Variants in OSBPL10 observed in about 807,000 individuals in gnomAD.
OSBPL10 encodes the protein oxysterol-binding protein-related protein 10.
Under a neutral mutation model 81.7 loss-of-function variants are expected in OSBPL10, and 49 were observed. The observed-to-expected ratio is 0.60, with a 90% CI of 0.48 to 0.76. OSBPL10 has a LOEUF of 0.76. Ranked by LOEUF, OSBPL10 falls within the 30% of genes least tolerant of loss-of-function variation. The pLI, the probability that OSBPL10 is intolerant of heterozygous loss-of-function variation, is 0.00. For synonymous variants in OSBPL10, 419 were observed against 383.6 expected, an observed-to-expected ratio of 1.09 and a Z score of -1.08; for missense variants, 923 against 987.8, an observed-to-expected ratio of 0.93 and a Z score of 0.88.
At chr3:32,028,927 G>GACACACACACACACACACAC (rs58442955) in intron 2 of OSBPL10, among the ~76,000 whole-genome samples, 3 of 105,634 alleles carry the variant, frequency 2.8e-5, no homozygotes, top group African/African-American at 3.7e-5. Context: ...AGCTAGTCAG[G>GACACACACACACACACACAC]ACACACACAC....
chr3:32,071,214 T>C (rs898653511), intron 1 of OSBPL10, among the ~76,000 whole-genome samples: 1 of 152,184 alleles, frequency 6.6e-6, no homozygotes, highest in Non-Finnish European at 1.5e-5. Flanking sequence ...TCCCTGCCAA[T>C]TGGGTCTGAC....
chr3:31,961,925 G>GT (rs1219187439), intron 1 of OSBPL10, among the ~76,000 whole-genome samples: 11 of 146,594 alleles, frequency 7.5e-5, no homozygotes, highest in Admixed American at 1.4e-4. Context: ...TTTTTTAAGA[G>GT]TTTTTTTTGG....
intron 1 of OSBPL10, among the ~76,000 whole-genome samples, chr3:31,940,484 G>A (rs1323437213): frequency 3.3e-5 from 5 of 152,218 alleles, no homozygotes; most frequent in Admixed American, 3.3e-4. Flanking sequence ...CTGGTTTGAT[G>A]TGTTGATAAT....
Position 31,864,327 on chromosome 3 carries a change from C to G in OSBPL10, c.537+12106G>C, listed in dbSNP as rs551177531. 9.2e-5 allele frequency among the ~76,000 whole-genome samples: 14 copies of G among 152,190 alleles called. No homozygotes were observed. In the East Asian group the frequency reaches 2.3e-3, roughly 25 times the overall value. ...GTGCAATCTGGCTCACTGCAACCTC[C>G]GCCTCCTGGGTTCAAGCAATTCTCC... On this transcript the variant is annotated intron_variant, in intron 3 of 11. Coordinates refer to ENST00000396556, the MANE Select transcript of OSBPL10 (RefSeq NM_017784.5).
At chr3:31,990,643 C>T (rs772938584) in intron 2 of OSBPL10, 2 of 1,613,872 alleles carry the variant, frequency 1.2e-6, no homozygotes, top group South Asian at 1.1e-5. Context: ...TTTTAATCAA[C>T]AAGCAACCCT....
chr3:32,035,562 C>CAAAA (rs35533294), intron 2 of OSBPL10, among the ~76,000 whole-genome samples: 13 of 90,996 alleles, frequency 1.4e-4, no homozygotes, highest in African/African-American at 4.3e-4. Flanking sequence ...AACTCTGTCT[C>CAAAA]AAAAAAAAAA....
chr3:31,890,666 G>C (rs1695868717), intron 1 of OSBPL10, among the ~76,000 whole-genome samples: 1 of 152,078 alleles, frequency 6.6e-6, no homozygotes. Context: ...TTAAAGACTA[G>C]TTGATTTAAG....
chr3:31,718,011 G>T (rs1419322720), intron 6 of OSBPL10: 1 of 152,170 alleles, frequency 6.6e-6, no homozygotes, highest in East Asian at 1.9e-4. Flanking sequence ...AGCACAAAAA[G>T]AAGGTGAATT....
intron 4 of OSBPL10, among the ~76,000 whole-genome samples, chr3:31,827,451 A>G (rs908001825): frequency 6.6e-6 from 1 of 152,146 alleles, no homozygotes; most frequent in Admixed American, 6.5e-5. Flanking sequence ...CCTGGCTAAC[A>G]CGGTGAAACC....
At chr3:31,917,216 G>A (rs1696782272) in intron 1 of OSBPL10, among the ~76,000 whole-genome samples, 1 of 152,198 alleles carries the variant, frequency 6.6e-6, no homozygotes, top group Non-Finnish European at 1.5e-5. Flanking sequence ...GCGTTCATGT[G>A]AGGTGGGGCC....
At chr3:31,752,180 C>G (rs914049932) in intron 4 of OSBPL10, among the ~76,000 whole-genome samples, 1 of 152,190 alleles carries the variant, frequency 6.6e-6, no homozygotes, top group Admixed American at 6.5e-5. Flanking sequence ...ACAGACTCAC[C>G]TAGATCTCCC....
At chr3:31,741,261 GTTTTC>G (rs941720401) in intron 5 of OSBPL10, among the ~76,000 whole-genome samples, 7 of 152,184 alleles carry the variant, frequency 4.6e-5, no homozygotes, top group East Asian at 3.9e-4. Context: ...GTATCTAACT[GTTTTC>G]TTTTATTTTT....
chr3:31,981,026 C>G lies in OSBPL10; in HGVS notation c.154G>C (p.Gly52Arg), dbSNP rs759638055. ...SRSAAAGLGG[G>R]GSRSSPGSVA... ...GAGCCCGGGCTGCTGCGGCTTCCCC[C>G]GCCGCCGAGCCCGGCCGCCGCCGAC... Residue 52 changes from glycine (G) to arginine (R), a missense_variant, in exon 1 of 12, where the codon GGG (glycine) becomes CGG (arginine). Gly to Arg is a moderately radical substitution (Grantham distance 125, BLOSUM62 -2). Transcript: ENST00000396556. The surrounding 1 kb of genome is among the most constrained non-coding windows in gnomAD (Gnocchi z 4.5). 1 of 1,471,110 alleles carries G rather than the reference C, an allele frequency of 6.8e-7. No homozygotes were observed. Among genetic ancestry groups the G allele is most frequent in the East Asian group, 2.9e-5 (1 of 34,066 alleles). 91.1% of individuals were successfully genotyped at this position (1,471,110 alleles called of 1,614,324 possible).
intron 6 of OSBPL10, among the ~76,000 whole-genome samples, chr3:31,709,805 A>G (rs1016714869): frequency 6.6e-6 from 1 of 152,186 alleles, no homozygotes; most frequent in Non-Finnish European, 1.5e-5. Flanking sequence ...CAGGGCCCCA[A>G]CAAGACAGAG....
At chr3:31,832,634 G>A (rs1344209734) in intron 3 of OSBPL10, among the ~76,000 whole-genome samples, 1 of 152,138 alleles carries the variant, frequency 6.6e-6, no homozygotes, top group African/African-American at 2.4e-5. Context: ...CAGACGGAGG[G>A]AAACATACAC....
chr3:31,670,050 A>G (rs531355377), intron 9 of OSBPL10, among the ~76,000 whole-genome samples: 2 of 152,308 alleles, frequency 1.3e-5, no homozygotes, highest in Non-Finnish European at 2.9e-5. Flanking sequence ...GCTGATTTCA[A>G]CTACCAACAT....
chr3:32,007,485 G>T (rs1256127796), intron 2 of OSBPL10, among the ~76,000 whole-genome samples: 1 of 152,138 alleles, frequency 6.6e-6, no homozygotes, highest in Admixed American at 6.6e-5. Context: ...TTCCTCTGGA[G>T]GCTCAAAAAG....
At chr3:31,781,298 T>C (rs567793464) in intron 4 of OSBPL10, among the ~76,000 whole-genome samples, 9 of 152,250 alleles carry the variant, frequency 5.9e-5, no homozygotes, top group Middle Eastern at 3.4e-3. Context: ...AAAACTGGCA[T>C]AGAAGGGACA....
At chr3:31,885,613 G>C (rs1035192843) in intron 1 of OSBPL10, among the ~76,000 whole-genome samples, 5 of 152,016 alleles carry the variant, frequency 3.3e-5, no homozygotes, top group African/African-American at 7.2e-5. Flanking sequence ...AAGCATACAT[G>C]TTTCCTTTGT....
Sources: allele counts gnomAD v4.1 joint callset (sites outside exome capture counted in the v4.1 genomes callset), GRCh38; gene constraint gnomAD v4.1.1; non-coding constraint Gnocchi (gnomAD v3.1); transcripts MANE v1.5; gene names NCBI Gene and HGNC (gene_info 2026-07-23, HGNC 2026-07-21).